The following TSPAN12 variants were observed in gnomAD, a reference collection of about 807,000 sequenced individuals.
TSPAN12 encodes tetraspanin-12.
A neutral mutation model predicts 39.2 loss-of-function variants in TSPAN12; 19 were observed. The observed-to-expected ratio is 0.49, with a 90% confidence interval of 0.34 to 0.71. TSPAN12 has a LOEUF of 0.71. TSPAN12 is among the 30% of genes least tolerant of loss of function. The pLI, the probability that TSPAN12 is intolerant of heterozygous loss-of-function variation, is 0.01. For synonymous variants in TSPAN12, 119 were observed against 124.8 expected, an observed-to-expected ratio of 0.95 and a Z score of 0.31; for missense variants, 314 against 359.9, an observed-to-expected ratio of 0.87 and a Z score of 1.03.
At position 120,788,678 on chromosome 7, in the gene TSPAN12, G is replaced by T. The variant is rs191668687; in HGVS notation, c.832C>A (p.Leu278Met). Residue 278 changes from leucine (L) to methionine (M), a missense_variant, in exon 8 of 8, where the codon CTG (leucine) becomes ATG (methionine). By Grantham distance (15) the Leu-to-Met change is conservative. Coordinates refer to ENST00000222747, the MANE Select transcript of TSPAN12 (RefSeq NM_012338.4). Reference sequence around the variant, plus strand: ...ATTCTTGACAGGCTTGGTTTCAACAGTTCTACTGAGGGACATGACAGGTGC... The same window carrying T: ...ATTCTTGACAGGCTTGGTTTCAACATTTCTACTGAGGGACATGACAGGTGC... ...SQHLSCPSVE[L>M]LKPSLSRIFE... 2.8e-5 allele frequency: 45 copies of T among 1,614,114 alleles called. No homozygotes were observed. The Admixed American group carries it at 4.3e-4, about 16-fold the overall frequency.
In TSPAN12 at chr7:120,804,210, T is replaced by G. The variant is rs539643408; in HGVS notation, c.612+2339A>C. On this transcript the variant is annotated intron_variant, in intron 7 of 7. Transcript: ENST00000222747. ...TACACATCTATACTTCTAACTATAC[T>G]GTAGCCATCTGTTCTTTTAATGTCT... Among the ~76,000 whole-genome samples the G allele has an allele frequency of 2.6e-5, 4 of 152,300 alleles. No homozygotes were observed. The East Asian group carries it at 5.8e-4, about 22-fold the overall frequency.
intron 4 of TSPAN12, among the ~76,000 whole-genome samples, chr7:120,828,655 CTTTTTT>C (rs752697203): frequency 6.4e-5 from 8 of 125,498 alleles, no homozygotes; most frequent in Non-Finnish European, 1.0e-4. Flanking sequence ...TTTCTTTCTC[CTTTTTT>C]TTTTTTTTTT....
intron 2 of TSPAN12, among the ~76,000 whole-genome samples, chr7:120,841,550 G>T (rs1794578911): frequency 6.6e-6 from 1 of 152,166 alleles, no homozygotes. Flanking sequence ...AAACATTTAT[G>T]ATACAACTGA....
intron 2 of TSPAN12, among the ~76,000 whole-genome samples, chr7:120,850,139 A>G (rs1794743522): frequency 6.6e-6 from 1 of 152,204 alleles, no homozygotes; most frequent in Non-Finnish European, 1.5e-5. Flanking sequence ...CAGTCTGGAG[A>G]TTACTGGTGG....
At chr7:120,824,474 C>G (rs1383649484) in intron 4 of TSPAN12, among the ~76,000 whole-genome samples, 1 of 151,808 alleles carries the variant, frequency 6.6e-6, no homozygotes, top group Admixed American at 6.6e-5. Flanking sequence ...ATACTGTTTG[C>G]TCAAATCAGT....
intron 4 of TSPAN12, among the ~76,000 whole-genome samples, chr7:120,819,949 C>G (rs570196676): frequency 1.7e-4 from 26 of 152,278 alleles, no homozygotes; most frequent in African/African-American, 6.0e-4. Flanking sequence ...AATTAAACAA[C>G]AGTTCCTGCT....
intron 2 of TSPAN12, among the ~76,000 whole-genome samples, chr7:120,847,376 A>C (rs1249812308): frequency 6.6e-6 from 1 of 152,200 alleles, no homozygotes; most frequent in Non-Finnish European, 1.5e-5. Context: ...TCAATTCAGA[A>C]ATGGAATCTT....
chr7:120,811,152 T>A (rs1793973559), intron 5 of TSPAN12, among the ~76,000 whole-genome samples: 1 of 152,188 alleles, frequency 6.6e-6, no homozygotes, highest in Non-Finnish European at 1.5e-5. Context: ...GGTGGGAATG[T>A]AAACTAGCAC....
At chr7:120,850,997 G>A (rs1339920123) in intron 2 of TSPAN12, among the ~76,000 whole-genome samples, 2 of 152,038 alleles carry the variant, frequency 1.3e-5, no homozygotes, top group African/African-American at 4.8e-5. Flanking sequence ...GCTGACTAAA[G>A]GAATTTTTTA....
chr7:120,847,784 C>T (rs2116493297), intron 2 of TSPAN12, among the ~76,000 whole-genome samples: 1 of 152,314 alleles, frequency 6.6e-6, no homozygotes, highest in African/African-American at 2.4e-5. Context: ...CTCCAATTCA[C>T]CCTTCGGTTA....
intron 4 of TSPAN12, among the ~76,000 whole-genome samples, chr7:120,816,208 A>G (rs1794078814): frequency 6.6e-6 from 1 of 152,106 alleles, no homozygotes; most frequent in Non-Finnish European, 1.5e-5. Context: ...TCTTCTAGGC[A>G]ATGGGGGTTG....
At chr7:120,798,692 C>T (rs1793681325) in intron 7 of TSPAN12, among the ~76,000 whole-genome samples, 1 of 152,180 alleles carries the variant, frequency 6.6e-6, no homozygotes, top group Non-Finnish European at 1.5e-5. Context: ...ATACAGGAGT[C>T]TTCAGAATCC....
intron 2 of TSPAN12, among the ~76,000 whole-genome samples, chr7:120,854,355 C>T (rs1400223129): frequency 1.3e-5 from 2 of 152,116 alleles, no homozygotes; most frequent in Non-Finnish European, 2.9e-5. Context: ...AGCAATCCAC[C>T]TCCTGGTAAT....
At chr7:120,852,608 G>C (rs1258445890) in intron 2 of TSPAN12, among the ~76,000 whole-genome samples, 4 of 152,176 alleles carry the variant, frequency 2.6e-5, no homozygotes, top group Non-Finnish European at 5.9e-5. Flanking sequence ...AGATCTCCAG[G>C]TGTGCATGCA....
chr7:120,808,275 C>T (rs913488162), intron 6 of TSPAN12, among the ~76,000 whole-genome samples: 1 of 152,072 alleles, frequency 6.6e-6, no homozygotes, highest in African/African-American at 2.4e-5. Context: ...TATAAGTATA[C>T]GATGCTCAGT....
intron 4 of TSPAN12, among the ~76,000 whole-genome samples, chr7:120,816,599 G>A (rs1381304428): frequency 6.6e-6 from 1 of 151,970 alleles, no homozygotes; most frequent in East Asian, 1.9e-4. Flanking sequence ...GGAGTGGGGT[G>A]GTCAGAAAGA....
intron 7 of TSPAN12, 105 bp downstream of exon 7, chr7:120,806,444 T>G: frequency 7.4e-7 from 1 of 1,353,234 alleles, no homozygotes; most frequent in South Asian, 1.3e-5. Context: ...TAAGGCCTTT[T>G]ACATTTAGAC....
At chr7:120,844,234 T>G (rs1286380238) in intron 2 of TSPAN12, among the ~76,000 whole-genome samples, 2 of 152,130 alleles carry the variant, frequency 1.3e-5, no homozygotes, top group Non-Finnish European at 2.9e-5. Context: ...ACACTGAGGA[T>G]CACAATTCGA....
rs368608437 is a variant in TSPAN12 at position 120,832,916 on chromosome 7, G to T, written c.285+5861C>A. Among the ~76,000 whole-genome samples the T allele has an allele frequency of 2.7e-4, 41 of 152,202 alleles. 2 individuals carry two copies. In the South Asian group the frequency reaches 7.9e-3, roughly 29 times the overall value. ...AAATGACTACCGAATGCCTTGGAGTGATAAATGAAGCATAGTTAAAGTCTT... is the reference window on the plus strand; with the variant it reads ...AAATGACTACCGAATGCCTTGGAGTTATAAATGAAGCATAGTTAAAGTCTT... On this transcript the variant is annotated intron_variant, in intron 4 of 7. Coordinates refer to ENST00000222747, the MANE Select transcript of TSPAN12 (RefSeq NM_012338.4).
Sources: allele counts gnomAD v4.1 joint callset (sites outside exome capture counted in the v4.1 genomes callset), GRCh38; gene constraint gnomAD v4.1.1; transcripts MANE v1.5; gene names NCBI Gene and HGNC (gene_info 2026-07-23, HGNC 2026-07-21).